BCL11A: variants seen among roughly 807,000 people sequenced by gnomAD.
BCL11A encodes the protein BCL11 transcription factor A, also known as B cell CLL/lymphoma 11A.
A neutral mutation model predicts 55.9 loss-of-function variants in BCL11A; 2 were observed. The observed-to-expected ratio is 0.04, with a 90% CI of 0.01 to 0.11. The LOEUF is 0.11. Ranked by LOEUF, BCL11A falls within the 10% of genes least tolerant of loss-of-function variation. BCL11A has a pLI of 1.00. For synonymous variants in BCL11A, 465 were observed against 473.4 expected (o/e 0.98, Z 0.23); for missense variants, 817 against 1,137.1 (o/e 0.72, Z 4.05).
chr2:60,545,839 T>C (rs1558518388), intron 2 of BCL11A, 132 bp downstream of exon 2: 1 of 734,600 alleles, frequency 1.4e-6, no homozygotes, highest in Non-Finnish European at 2.3e-6. Context: ...TATTTTAACA[T>C]TACAGGGCTG....
At chr2:60,526,010 T>G (rs186898488) in intron 2 of BCL11A, 1 of 152,362 alleles carries the variant, frequency 6.6e-6, no homozygotes, top group Non-Finnish European at 1.5e-5. Context: ...AGGCAGATAC[T>G]GTTATTTTCT....
intron 3 of BCL11A, among the ~76,000 whole-genome samples, chr2:60,466,090 A>C (rs979575900): frequency 1.3e-5 from 2 of 151,946 alleles, no homozygotes; most frequent in African/African-American, 4.8e-5. Flanking sequence ...TGTTCTGGTC[A>C]CTCCTAAATT....
In BCL11A at chr2:60,458,615, A is replaced by C. The variant is rs1356793796; in HGVS notation, c.*1789T>G. ...TGGCTGGCAAAGTTTTTTTTTTTTT[A>C]GTTTTTAAAAAATGCTCCTCAATGA... On this transcript the variant is annotated 3_prime_UTR_variant, in exon 4 of 4. Coordinates refer to ENST00000642384, the MANE Select transcript of BCL11A (RefSeq NM_022893.4). The C allele has an allele frequency of 2.0e-6, 2 of 999,304 alleles. No individual in the cohort carries two copies. Among genetic ancestry groups the C allele is most frequent in the Non-Finnish European group, 2.4e-6 (2 of 830,666 alleles). The allele number at this position is 999,304 out of a possible 1,614,324, so 61.9% of individuals were successfully genotyped here.
intron 2 of BCL11A, among the ~76,000 whole-genome samples, chr2:60,491,781 T>C (rs1308248298): frequency 6.6e-6 from 1 of 151,894 alleles, no homozygotes; most frequent in Non-Finnish European, 1.5e-5. Flanking sequence ...TCACTCCGTG[T>C]TGAGAGCCAA....
In BCL11A at chr2:60,459,452, C is replaced by A; in HGVS notation, c.*952G>T. On this transcript the variant is annotated 3_prime_UTR_variant, in exon 4 of 4. Transcript: ENST00000642384. ...TAAGCTCTCACCAGGAGCAAAGTAG[C>A]TTTTATACTGGTATAATCAGTTTTG... The A allele has an allele frequency of 9.8e-7, 1 of 1,021,632 alleles. No homozygotes were observed. 63.3% of individuals were successfully genotyped at this position (1,021,632 alleles called of 1,614,324 possible). A position where few individuals can be genotyped will look rare whatever the true frequency, so the allele number is the denominator to read the frequency against.
Position 60,457,371 on chromosome 2 carries a change from A to T in BCL11A, c.*3033T>A, listed in dbSNP as rs941429906. 1.3e-5 allele frequency: 13 copies of T among 1,023,158 alleles called. No homozygotes were observed. The highest frequency in any genetic ancestry group is 1.5e-5 in the Non-Finnish European group (13 of 850,548). 63.4% of individuals were successfully genotyped at this position (1,023,158 alleles called of 1,614,324 possible). ...ATGACCTTTGGTCATCTAAATAAAA[A>T]AAAAAATAAAAACAAAGAAAAATAA... On this transcript the variant is annotated 3_prime_UTR_variant, in exon 4 of 4. Coordinates refer to ENST00000642384, the MANE Select transcript of BCL11A (RefSeq NM_022893.4).
chr2:60,467,168 ATGG>A lies in BCL11A; in HGVS notation c.487+1561_487+1563del, dbSNP rs1169175530. Among the ~76,000 whole-genome samples the A allele has an allele frequency of 2.1e-3, 77 of 36,790 alleles. 2 individuals are homozygous for A. The highest frequency in any genetic ancestry group is 2.4e-3 in the Non-Finnish European group (43 of 18,004). 24.1% of individuals were successfully genotyped at this position (36,790 alleles called of 152,430 possible). The stretch of plus-strand genomic sequence containing the variant: ...GGTGATGGTGGTGGTGGTGGTGGTG[ATGG>A]TGGTGGTGGTGGTGGTGATGGTGGT... On this transcript the variant is annotated intron_variant, in intron 3 of 3. Coordinates refer to ENST00000642384, the MANE Select transcript of BCL11A (RefSeq NM_022893.4).
chr2:60,520,127 G>T (rs938839799), intron 2 of BCL11A, among the ~76,000 whole-genome samples: 3 of 152,138 alleles, frequency 2.0e-5, no homozygotes, highest in African/African-American at 7.2e-5. Context: ...GAAAGCCAAA[G>T]ATAATAGAAT....
At chr2:60,503,043 T>C (rs1679381273) in intron 2 of BCL11A, among the ~76,000 whole-genome samples, 1 of 152,202 alleles carries the variant, frequency 6.6e-6, no homozygotes, top group African/African-American at 2.4e-5. Context: ...AACCAACGTG[T>C]CTGTCATCTT....
chr2:60,535,545 C>G (rs965224994), intron 2 of BCL11A: 2 of 152,248 alleles, frequency 1.3e-5, no homozygotes, highest in Non-Finnish European at 2.9e-5. Flanking sequence ...TTCCAAAAAG[C>G]CTTTTCCCCC....
chr2:60,465,325 T>C (rs529199627), intron 3 of BCL11A, among the ~76,000 whole-genome samples: 7 of 152,344 alleles, frequency 4.6e-5, no homozygotes, highest in Admixed American at 4.6e-4. Context: ...GTGTAAAATA[T>C]AATAATATTC....
chr2:60,496,010 C>A (rs1030495001), intron 2 of BCL11A, among the ~76,000 whole-genome samples: 4 of 152,090 alleles, frequency 2.6e-5, no homozygotes, highest in African/African-American at 9.7e-5. Context: ...GAAAAGAGAA[C>A]AAACAAACCA....
intron 2 of BCL11A, chr2:60,543,750 T>G (rs1558514543): frequency 6.6e-6 from 1 of 152,230 alleles, no homozygotes; most frequent in Non-Finnish European, 1.5e-5. Flanking sequence ...ACTTTGTAAT[T>G]ATTCATGCAC....
chr2:60,496,135 T>C, intron 2 of BCL11A, among the ~76,000 whole-genome samples: 1 of 152,176 alleles, frequency 6.6e-6, no homozygotes, highest in East Asian at 1.9e-4. Context: ...GGAAATGGAT[T>C]ACGGAAACAG....
intron 2 of BCL11A, among the ~76,000 whole-genome samples, chr2:60,496,093 G>A (rs1678931639): frequency 6.6e-6 from 1 of 152,230 alleles, no homozygotes; most frequent in Non-Finnish European, 1.5e-5. Flanking sequence ...GATAACCGGA[G>A]GGGAGATGAT....
At chr2:60,541,571 A>G (rs1669927245) in intron 2 of BCL11A, among the ~76,000 whole-genome samples, 1 of 152,222 alleles carries the variant, frequency 6.6e-6, no homozygotes, top group Non-Finnish European at 1.5e-5. Context: ...TTATTTACAA[A>G]TACAGCTTGT....
chr2:60,467,633 G>C (rs1162292748), intron 3 of BCL11A, among the ~76,000 whole-genome samples: 1 of 94,094 alleles, frequency 1.1e-5, no homozygotes, highest in Non-Finnish European at 2.2e-5. Context: ...GGTAATGGTG[G>C]TGGTGGTGAT....
At chr2:60,540,027 T>C (rs751324284) in intron 2 of BCL11A, among the ~76,000 whole-genome samples, 6 of 152,326 alleles carry the variant, frequency 3.9e-5, no homozygotes, top group Middle Eastern at 3.4e-3. Context: ...TTAAATTATA[T>C]AGTCTGAACA....
intron 2 of BCL11A, among the ~76,000 whole-genome samples, chr2:60,499,304 A>G (rs1277821039): frequency 1.3e-5 from 2 of 151,960 alleles, no homozygotes; most frequent in African/African-American, 2.4e-5. Flanking sequence ...GCCCAGCCAT[A>G]CCCTTCTGGG....
Sources: gnomAD v4.1 joint callset for allele counts (sites outside exome capture counted in the v4.1 genomes callset) on GRCh38, gnomAD v4.1.1 for gene constraint, MANE v1.5 for transcripts, NCBI Gene and HGNC (gene_info 2026-07-23, HGNC 2026-07-21) for gene names.